The following DLG1 variants were observed in gnomAD, a reference collection of about 807,000 sequenced individuals.
DLG1 encodes discs large MAGUK scaffold protein 1.
DLG1 carries 42 observed loss-of-function variants against 123.4 expected under a neutral mutation model. The observed-to-expected ratio is 0.34, with a 90% CI of 0.27 to 0.44. DLG1 has a LOEUF of 0.44. Among genes scored for constraint, DLG1 ranks in the 20% least tolerant of loss-of-function variants. DLG1 has a pLI of 1.00. For missense variants in DLG1, 942 were observed against 1,082.6 expected (o/e 0.87, Z 1.82); for synonymous variants, 317 against 356.2 (o/e 0.89, Z 1.24).
chr3:197,183,089 T>C (rs756197967), intron 5 of DLG1, among the ~76,000 whole-genome samples: 11 of 152,170 alleles, frequency 7.2e-5, no homozygotes, highest in Non-Finnish European at 1.3e-4. Flanking sequence ...TGTCAGTATA[T>C]ATAATACTAG....
chr3:197,140,023 T>C (rs1260125076), intron 8 of DLG1, 117 bp downstream of exon 8: 2 of 1,113,396 alleles, frequency 1.8e-6, no homozygotes, highest in Non-Finnish European at 2.5e-6. Context: ...TTAAAGCATC[T>C]ACCCTATGCT....
rs1378584794 is a variant in DLG1 at position 197,187,449 on chromosome 3, GAAATA to G, written c.483+6971_483+6975del. 5.3e-5 allele frequency among the ~76,000 whole-genome samples: 8 copies of G among 152,236 alleles called. No homozygotes were observed. In the East Asian group the frequency reaches 1.5e-3, roughly 29 times the overall value. ...CATTATATTCTCAATACTACTGGAT[GAAATA>G]AAATGCTAGGAAATATACTTATTTA... is the stretch of plus-strand genomic sequence containing the variant. On this transcript the variant is annotated intron_variant, in intron 5 of 24. Transcript: ENST00000667157.
At chr3:197,245,162 G>T (rs1382355564) in intron 4 of DLG1, among the ~76,000 whole-genome samples, 2 of 152,098 alleles carry the variant, frequency 1.3e-5, no homozygotes, top group Non-Finnish European at 2.9e-5. Flanking sequence ...GTGCCAGGGG[G>T]TATGGTATTC....
chr3:197,079,147 G>A (rs1303547262), intron 17 of DLG1, among the ~76,000 whole-genome samples: 2 of 152,088 alleles, frequency 1.3e-5, no homozygotes, highest in African/African-American at 4.8e-5. Context: ...TTTTCAATCA[G>A]AAGTACTACA....
intron 4 of DLG1, among the ~76,000 whole-genome samples, chr3:197,250,980 CAAAA>C (rs34378051): frequency 8.0e-5 from 7 of 87,116 alleles, no homozygotes; most frequent in Admixed American, 1.4e-4. Context: ...AAGACTCCAT[CAAAA>C]AAAAAAAAAA....
rs531708946 is a variant in DLG1 at position 197,234,252 on chromosome 3, C to T, written c.319-39663G>A. Among the ~76,000 whole-genome samples, 9 of 152,344 alleles carry T rather than the reference C, an allele frequency of 5.9e-5. 1 individual carries two copies. The highest frequency in any genetic ancestry group is 2.1e-4 in the South Asian group (1 of 4,830). ...ACGAGCTCCCTGTCCAGTTCTAATA[C>T]ACAGACAGGCTTACAACCCCAGATG... On this transcript the variant is annotated intron_variant, in intron 4 of 24. Transcript: ENST00000667157.
intron 18 of DLG1, among the ~76,000 whole-genome samples, chr3:197,071,403 CTTTTT>C (rs34629433): frequency 2.3e-5 from 3 of 131,722 alleles, no homozygotes; most frequent in East Asian, 4.6e-4. Context: ...TCTTCACTGT[CTTTTT>C]TTTTTTTTTT....
At chr3:197,069,057 G>T (rs1741724686) in intron 19 of DLG1, among the ~76,000 whole-genome samples, 162 bp downstream of exon 19, 1 of 151,846 alleles carries the variant, frequency 6.6e-6, no homozygotes, top group Non-Finnish European at 1.5e-5. Flanking sequence ...TATATAGTAT[G>T]ATTTTATTTT....
chr3:197,115,944 C>G lies in DLG1; in HGVS notation c.1426G>C (p.Gly476Arg). 8.1e-6 allele frequency: 13 copies of G among 1,612,506 alleles called. No individual in the cohort carries two copies. Among genetic ancestry groups the G allele is most frequent in the Non-Finnish European group, 1.1e-5 (13 of 1,179,488 alleles). The change falls in exon 13 of 25, where the codon GGA (glycine) becomes CGA (arginine). Residue 476 changes from glycine (G) to arginine (R), a missense_variant. Physicochemically the swap from Gly to Arg is moderately radical, Grantham distance 125 (BLOSUM62 -2). Transcript: ENST00000667157. ...PADLSGELRK[G>R]DRIISVNSVD... is the part of the protein sequence containing the mutation. ...TGTCTTACCGATATAATACGATCTCCTTTTCTGAGCTCTCCACTTAGATCA... is the reference window on the plus strand; with the variant it reads ...TGTCTTACCGATATAATACGATCTCGTTTTCTGAGCTCTCCACTTAGATCA...
chr3:197,217,772 A>G (rs150144430), intron 4 of DLG1, among the ~76,000 whole-genome samples: 5 of 152,316 alleles, frequency 3.3e-5, no homozygotes, highest in African/African-American at 1.2e-4. Flanking sequence ...TGTCTGGGAG[A>G]GAAGAGAACA....
intron 4 of DLG1, among the ~76,000 whole-genome samples, chr3:197,251,928 C>T (rs950638530): frequency 6.6e-6 from 1 of 152,212 alleles, no homozygotes; most frequent in Non-Finnish European, 1.5e-5. Context: ...ATGCCCAGTA[C>T]ATGGTAAGAT....
At chr3:197,250,577 A>AG (rs1280984945) in intron 4 of DLG1, among the ~76,000 whole-genome samples, 1 of 151,872 alleles carries the variant, frequency 6.6e-6, no homozygotes, top group East Asian at 1.9e-4. Context: ...TCAAAAAAAA[A>AG]AAAAGAAAAA....
intron 16 of DLG1, chr3:197,085,310 G>A (rs1753683245): frequency 1.7e-5 from 7 of 415,326 alleles, no homozygotes; most frequent in South Asian, 1.6e-4. Context: ...TGGAGGTGCA[G>A]AACTCACTCA....
chr3:197,189,891 GA>G lies in DLG1; in HGVS notation c.483+4533del, dbSNP rs1718344452. Among the ~76,000 whole-genome samples the G allele has an allele frequency of 3.3e-5, 5 of 152,274 alleles. No individual in the cohort carries two copies. The South Asian group carries it at 1.0e-3, about 32-fold the overall frequency. On this transcript the variant is annotated intron_variant, in intron 5 of 24. Coordinates refer to ENST00000667157, the MANE Select transcript of DLG1 (RefSeq NM_001366207.1). ...AACTGCAAGATTTCCACCAATTTCA[GA>G]AATGGTAAATGTGGAAAAGGTAAGT...
chr3:197,240,795 T>C (rs576360990), intron 4 of DLG1, among the ~76,000 whole-genome samples: 1 of 152,076 alleles, frequency 6.6e-6, no homozygotes, highest in East Asian at 1.9e-4. Context: ...TTAGAGGCTC[T>C]TGACATAAGA....
intron 18 of DLG1, among the ~76,000 whole-genome samples, chr3:197,075,605 A>G (rs1015608267): frequency 2.6e-5 from 4 of 152,166 alleles, no homozygotes; most frequent in African/African-American, 7.2e-5. Flanking sequence ...AGGAAAATAT[A>G]GTTACGAGCA....
intron 3 of DLG1, chr3:197,293,971 G>A (rs1776162650): frequency 6.5e-6 from 1 of 152,996 alleles, no homozygotes; most frequent in South Asian, 2.1e-4. Flanking sequence ...AAACACTATG[G>A]ACACAATGAA....
chr3:197,082,065 T>C (rs1451228714), intron 16 of DLG1, among the ~76,000 whole-genome samples: 1 of 152,166 alleles, frequency 6.6e-6, no homozygotes, highest in African/African-American at 2.4e-5. Flanking sequence ...ACCTTAGCAT[T>C]CATGAATTTA....
chr3:197,296,993 G>T, intron 2 of DLG1, 193 bp downstream of exon 2: 4 of 621,358 alleles, frequency 6.4e-6, no homozygotes, highest in East Asian at 3.4e-5. Flanking sequence ...CTAGAGAAAT[G>T]TTAAGAAAGT....
Sources: gnomAD v4.1 joint callset for allele counts (sites outside exome capture counted in the v4.1 genomes callset) on GRCh38, gnomAD v4.1.1 for gene constraint, MANE v1.5 for transcripts, NCBI Gene and HGNC (gene_info 2026-07-23, HGNC 2026-07-21) for gene names.